CREBRF: variants seen among roughly 807,000 people sequenced by gnomAD.
CREBRF encodes the protein CREB3 regulatory factor, also known as UPF0474 protein C5orf41.
CREBRF carries 5 observed loss-of-function variants against 66.1 expected under a neutral mutation model. The observed-to-expected ratio is 0.08, with a 90% CI of 0.04 to 0.16. CREBRF has a LOEUF of 0.16. Among genes scored for constraint, CREBRF ranks in the 10% least tolerant of loss-of-function variants. The probability of loss-of-function intolerance (pLI) is 1.00; values close to 1 mark genes in which losing one functional copy is unlikely to be tolerated. For synonymous variants in CREBRF, 229 were observed against 264.4 expected (o/e 0.87, Z 1.30); for missense variants, 531 against 744.9 (o/e 0.71, Z 3.34).
chr5:173,086,608 A>G lies in CREBRF; in HGVS notation c.117A>G (p.Pro39=), dbSNP rs751645985. ...STDLLANSSD[P]DFMYELDREM... The stretch of plus-strand genomic sequence containing the variant: ...ATCTCTTAGCAAACAGTTCGGATCC[A>G]GATTTCATGTATGAACTGGTAAGCA... Residue 39 remains proline, a synonymous_variant, in exon 3 of 9, where the codon CCA becomes CCG. Coordinates refer to ENST00000296953, the MANE Select transcript of CREBRF (RefSeq NM_153607.3). 17 of 1,611,750 alleles carry G rather than the reference A, an allele frequency of 1.1e-5. No individual in the cohort carries two copies. The highest frequency in any genetic ancestry group is 3.3e-4 in the Middle Eastern group (2 of 6,078).
At chr5:173,103,705 G>A (rs1758682563) in intron 4 of CREBRF, among the ~76,000 whole-genome samples, 1 of 152,188 alleles carries the variant, frequency 6.6e-6, no homozygotes. Context: ...AGCCTTTTCT[G>A]TGGACAGGCT....
chr5:173,110,547 G>C lies in CREBRF; in HGVS notation c.1443G>C (p.Arg481=). Reference sequence around the variant, plus strand: ...GAAAATATGCAGTAAAGAAGTCACGGAGAACTGATGTAGAAGACCTGACTC... The same window carrying C: ...GAAAATATGCAGTAAAGAAGTCACGCAGAACTGATGTAGAAGACCTGACTC... The part of the protein sequence containing the change: ...HHGKYAVKKS[R]RTDVEDLTPN... The change falls in exon 6 of 9, where the codon CGG becomes CGC. Residue 481 remains arginine, a synonymous_variant. Transcript: ENST00000296953. 6.2e-7 allele frequency: 1 copy of C among 1,613,562 alleles called. No individual in the cohort carries two copies. Among genetic ancestry groups the C allele is most frequent in the Non-Finnish European group, 8.5e-7 (1 of 1,179,570 alleles).
At chr5:173,108,356 C>T (rs187193962) in intron 4 of CREBRF, among the ~76,000 whole-genome samples, 2 of 151,940 alleles carry the variant, frequency 1.3e-5, no homozygotes, top group East Asian at 1.9e-4. Context: ...AAAATAGTAT[C>T]GTATACTAAC....
At chr5:173,096,300 A>G (rs530820402) in intron 4 of CREBRF, among the ~76,000 whole-genome samples, 7 of 152,260 alleles carry the variant, frequency 4.6e-5, no homozygotes, top group Middle Eastern at 3.4e-3. Flanking sequence ...TTCTAGATAC[A>G]AGATCATGTC....
intron 3 of CREBRF, among the ~76,000 whole-genome samples, chr5:173,087,376 C>G (rs1159784776): frequency 6.6e-6 from 1 of 152,058 alleles, no homozygotes; most frequent in Non-Finnish European, 1.5e-5. Flanking sequence ...AGCCATCGCA[C>G]CTGGCCTACA....
chr5:173,104,711 CAGAGAG>C lies in CREBRF; in HGVS notation c.1223-3888_1223-3883del, dbSNP rs112995190. On this transcript the variant is annotated intron_variant, in intron 4 of 8. Transcript: ENST00000296953. Reference sequence around the variant, plus strand: ...GGTGGATGGCTTTAGGCAACAAATTCAGAGAGAGAGAGAGAGAGAGAGAGAGAGAGT... The same window carrying C: ...GGTGGATGGCTTTAGGCAACAAATTCAGAGAGAGAGAGAGAGAGAGAGAGT... Among the ~76,000 whole-genome samples, 190 of 146,590 alleles carry C rather than the reference CAGAGAG, an allele frequency of 1.3e-3. 1 individual carries two copies. Among genetic ancestry groups the C allele is most frequent in the Admixed American group, 3.3e-3 (48 of 14,696 alleles).
chr5:173,118,527 G>A (rs957921639), intron 7 of CREBRF, among the ~76,000 whole-genome samples: 4 of 151,744 alleles, frequency 2.6e-5, no homozygotes, highest in Admixed American at 6.6e-5. Flanking sequence ...TTTGCATATG[G>A]TATAAGGTAA....
At chr5:173,127,747 T>TG (rs2113803462) in intron 8 of CREBRF, among the ~76,000 whole-genome samples, 1 of 152,296 alleles carries the variant, frequency 6.6e-6, no homozygotes, top group Admixed American at 6.5e-5. Flanking sequence ...CGTGAGCCAC[T>TG]GCGCCTGGCC....
chr5:173,090,480 T>G lies in CREBRF; in HGVS notation c.301T>G (p.Tyr101Asp). ...WDTYCEDLTK[Y>D]TKLTSCDIWG... is the part of the protein sequence containing the mutation. The stretch of plus-strand genomic sequence containing the variant: ...TACATACTGTGAAGACCTAACGAAA[T>G]ATACCAAACTAACCAGCTGTGACAT... Residue 101 changes from tyrosine (Y) to aspartate (D), a missense_variant, in exon 4 of 9, where the codon TAT (tyrosine) becomes GAT (aspartate). Physicochemically the swap from Tyr to Asp is radical, Grantham distance 160 (BLOSUM62 -3). Coordinates refer to ENST00000296953, the MANE Select transcript of CREBRF (RefSeq NM_153607.3). The surrounding 1 kb of genome is among the most constrained non-coding windows in gnomAD (Gnocchi z 4.5). 6.2e-7 allele frequency: 1 copy of G among 1,613,432 alleles called. No homozygotes were observed. The highest frequency in any genetic ancestry group is 8.5e-7 in the Non-Finnish European group (1 of 1,179,436).
At chr5:173,061,120 A>G (rs1179929894) in intron 1 of CREBRF, among the ~76,000 whole-genome samples, 1 of 152,146 alleles carries the variant, frequency 6.6e-6, no homozygotes, top group Admixed American at 6.5e-5. Context: ...GGCGCCTGCC[A>G]CCGTGCCCAG....
intron 2 of CREBRF, among the ~76,000 whole-genome samples, chr5:173,081,656 C>T (rs566177684): frequency 1.3e-5 from 2 of 152,180 alleles, no homozygotes; most frequent in Non-Finnish European, 2.9e-5. Context: ...GGCACAGTGG[C>T]TCACGCCTGT....
At chr5:173,122,274 G>A (rs940147013) in intron 7 of CREBRF, among the ~76,000 whole-genome samples, 2 of 152,080 alleles carry the variant, frequency 1.3e-5, no homozygotes, top group Non-Finnish European at 1.5e-5. Flanking sequence ...GCTAATTTTC[G>A]TGGTTTTATT....
At chr5:173,102,907 C>T (rs1378755461) in intron 4 of CREBRF, among the ~76,000 whole-genome samples, 3 of 152,138 alleles carry the variant, frequency 2.0e-5, no homozygotes, top group African/African-American at 4.8e-5. Context: ...TTTCTTTGAC[C>T]TTTAACTCCA....
rs1383551697 is a variant in CREBRF, at chr5:173,136,398, C to T, written c.*2653C>T. ...TATGTATGTATATCTTAGAAAAGCA[C>T]TTTGTTAAAAAAAAATTGCATTTTA... On this transcript the variant is annotated 3_prime_UTR_variant, in exon 9 of 9. Transcript: ENST00000296953. 1.3e-5 allele frequency: 2 copies of T among 152,240 alleles called. No homozygotes were observed. Among genetic ancestry groups the T allele is most frequent in the South Asian group, 4.2e-4 (2 of 4,768 alleles). 9.4% of individuals were successfully genotyped at this position (152,240 alleles called of 1,614,324 possible). A position where few individuals can be genotyped will look rare whatever the true frequency, so the allele number is the denominator to read the frequency against.
chr5:173,080,876 G>A (rs1304260038), intron 2 of CREBRF, 92 bp downstream of exon 2: 9 of 1,216,990 alleles, frequency 7.4e-6, no homozygotes, highest in African/African-American at 3.0e-5. Flanking sequence ...ACACAACTTT[G>A]CATACTACCT....
At chr5:173,120,017 T>C (rs997549477) in intron 7 of CREBRF, among the ~76,000 whole-genome samples, 5 of 152,204 alleles carry the variant, frequency 3.3e-5, no homozygotes, top group African/African-American at 1.2e-4. Context: ...TGCTAATATT[T>C]CATATTATTC....
rs780910405 is a variant in CREBRF at position 173,112,275 on chromosome 5, A to T, written c.1608-31A>T. 3.4e-6 allele frequency: 5 copies of T among 1,471,798 alleles called. No homozygotes were observed. The East Asian group carries it at 1.2e-4, about 34-fold the overall frequency. The allele number at this position is 1,471,798 out of a possible 1,614,324, so 91.2% of individuals were successfully genotyped here. ...TAATAAAATTAAAATTAAGAAAAAG[A>T]AAGTGAACTAACTGCTCCTTCCTTT... On this transcript the variant is annotated intron_variant, in intron 6 of 8. Transcript: ENST00000296953.
At chr5:173,120,403 A>G (rs969799788) in intron 7 of CREBRF, among the ~76,000 whole-genome samples, 17 of 148,762 alleles carry the variant, frequency 1.1e-4, no homozygotes, top group Non-Finnish European at 2.1e-4. Flanking sequence ...TTTTTGAGAC[A>G]GTATCTCACT....
intron 1 of CREBRF, among the ~76,000 whole-genome samples, chr5:173,059,262 TTTC>T (rs1190853121): frequency 0.022 from 1,154 of 51,448 alleles, 34 homozygotes; most frequent in Non-Finnish European, 0.051. Flanking sequence ...TTTTCTTTTT[TTTC>T]TTTTTTTTTT....
Sources: allele counts gnomAD v4.1 joint callset (sites outside exome capture counted in the v4.1 genomes callset), GRCh38; gene constraint gnomAD v4.1.1; non-coding constraint Gnocchi (gnomAD v3.1); transcripts MANE v1.5; gene names NCBI Gene and HGNC (gene_info 2026-07-23, HGNC 2026-07-21).